PALM2AKAP2: variants seen among roughly 807,000 people sequenced by gnomAD.
PALM2AKAP2 encodes PALM2-AKAP2 fusion protein.
Under a neutral mutation model 71.5 loss-of-function variants are expected in PALM2AKAP2, and 37 were observed. The ratio of observed to expected loss-of-function variants is 0.52; its 90% CI spans 0.40 to 0.68. The LOEUF (loss-of-function observed/expected upper bound fraction) is 0.68. PALM2AKAP2 is among the 30% of genes least tolerant of loss of function. PALM2AKAP2 has a pLI of 0.00. For synonymous variants in PALM2AKAP2, 468 were observed against 478.8 expected, an observed-to-expected ratio of 0.98 and a Z score of 0.29; for missense variants, 1,224 against 1,191.8, an observed-to-expected ratio of 1.03 and a Z score of -0.40.
chr9:110,039,717 AC>A (rs1374997930), intron 7 of PALM2AKAP2, among the ~76,000 whole-genome samples: 1 of 148,428 alleles, frequency 6.7e-6, no homozygotes, highest in Non-Finnish European at 1.5e-5. Flanking sequence ...CAGCAGCAGC[AC>A]CTATCTGAAC....
intron 7 of PALM2AKAP2, among the ~76,000 whole-genome samples, chr9:110,029,433 A>T (rs1157229847): frequency 6.6e-6 from 1 of 152,210 alleles, no homozygotes; most frequent in South Asian, 2.1e-4. Context: ...AATACATGAC[A>T]TGGGCATGGA....
chr9:109,800,511 A>G (rs1044527336), intron 1 of PALM2AKAP2, among the ~76,000 whole-genome samples: 1 of 152,180 alleles, frequency 6.6e-6, no homozygotes, highest in African/African-American at 2.4e-5. Flanking sequence ...TTTGGCAATT[A>G]AACGACTCAC....
At chr9:110,048,693 C>A (rs754243360), upstream of PALM2AKAP2, 3 of 1,540,228 alleles carry the variant, frequency 1.9e-6, no homozygotes, top group East Asian at 2.5e-5. Context: ...GCTACCACTC[C>A]CTGCAGATGC....
chr9:110,116,963 A>G (rs1588118047), intron 1 of PALM2AKAP2, among the ~76,000 whole-genome samples: 1 of 152,228 alleles, frequency 6.6e-6, no homozygotes, highest in East Asian at 1.9e-4. Context: ...TAACAAGTAG[A>G]TGAGCCCTGG....
chr9:109,709,273 C>T (rs1242118627), intron 1 of PALM2AKAP2, among the ~76,000 whole-genome samples: 2 of 152,220 alleles, frequency 1.3e-5, no homozygotes, highest in African/African-American at 4.8e-5. Context: ...GTCAAATCCC[C>T]TTGTAAGGCC....
chr9:109,648,627 A>C (rs1428728126), intron 1 of PALM2AKAP2, among the ~76,000 whole-genome samples: 1 of 152,180 alleles, frequency 6.6e-6, no homozygotes, highest in Non-Finnish European at 1.5e-5. Flanking sequence ...GTTTGGATAG[A>C]GACTTGAACA....
chr9:110,050,786 C>T (rs908393461), intron 1 of PALM2AKAP2, among the ~76,000 whole-genome samples: 2 of 152,172 alleles, frequency 1.3e-5, no homozygotes, highest in African/African-American at 4.8e-5. Flanking sequence ...CACCACCACA[C>T]CCGGCTAATT....
intron 3 of PALM2AKAP2, among the ~76,000 whole-genome samples, chr9:110,159,354 G>C (rs1457328890): frequency 6.6e-6 from 1 of 152,008 alleles, no homozygotes; most frequent in Non-Finnish European, 1.5e-5. Flanking sequence ...ATCACCCCTG[G>C]CACCTCCATT....
At chr9:109,819,299 T>C (rs1213996897) in intron 1 of PALM2AKAP2, among the ~76,000 whole-genome samples, 1 of 152,226 alleles carries the variant, frequency 6.6e-6, no homozygotes, top group East Asian at 1.9e-4. Context: ...AAAGGAAATT[T>C]CACAAAGGCT....
chr9:109,722,678 G>C (rs1043281932), intron 1 of PALM2AKAP2, among the ~76,000 whole-genome samples: 2 of 152,108 alleles, frequency 1.3e-5, no homozygotes, highest in Non-Finnish European at 2.9e-5. Flanking sequence ...AGGCTGAGGT[G>C]GGGGGATCAC....
chr9:110,033,224 A>G (rs1833318870), intron 7 of PALM2AKAP2, among the ~76,000 whole-genome samples: 2 of 152,262 alleles, frequency 1.3e-5, no homozygotes, highest in Admixed American at 1.3e-4. Context: ...TGAGTGACAC[A>G]GGAAAATCCC....
At chr9:110,015,365 A>G (rs974720058) in intron 6 of PALM2AKAP2, among the ~76,000 whole-genome samples, 17 of 152,164 alleles carry the variant, frequency 1.1e-4, no homozygotes, top group African/African-American at 3.9e-4. Context: ...CTGGGAGGCC[A>G]AGGTGGGTGG....
intron 1 of PALM2AKAP2, among the ~76,000 whole-genome samples, chr9:110,070,569 G>T (rs931624261): frequency 6.6e-6 from 1 of 152,160 alleles, no homozygotes; most frequent in African/African-American, 2.4e-5. Flanking sequence ...GTATAAGTTG[G>T]TCAATTGTGA....
intron 1 of PALM2AKAP2, among the ~76,000 whole-genome samples, chr9:110,062,278 G>C (rs769252700): frequency 6.6e-6 from 1 of 151,666 alleles, no homozygotes. Context: ...AGTGTGTGTT[G>C]TTCCCTTCCC....
intron 2 of PALM2AKAP2, among the ~76,000 whole-genome samples, chr9:110,153,211 C>T (rs1035855536): frequency 6.6e-6 from 1 of 152,160 alleles, no homozygotes; most frequent in Non-Finnish European, 1.5e-5. Flanking sequence ...AATCCTTCAC[C>T]CTCTTTACAA....
chr9:109,911,696 C>T (rs1446152421), intron 3 of PALM2AKAP2, among the ~76,000 whole-genome samples: 1 of 152,196 alleles, frequency 6.6e-6, no homozygotes, highest in African/African-American at 2.4e-5. Context: ...AAGTTACATT[C>T]ACTATAGAAT....
chr9:109,859,931 C>A (rs889654874), intron 1 of PALM2AKAP2, among the ~76,000 whole-genome samples: 1 of 152,194 alleles, frequency 6.6e-6, no homozygotes, highest in Non-Finnish European at 1.5e-5. Flanking sequence ...ATCTACAAAC[C>A]CAAGTGTCTA....
At chr9:110,077,836 A>G (rs1834353769) in intron 1 of PALM2AKAP2, among the ~76,000 whole-genome samples, 1 of 152,144 alleles carries the variant, frequency 6.6e-6, no homozygotes, top group South Asian at 2.1e-4. Context: ...CAACATGGTG[A>G]AACGCTGTCT....
intron 5 of PALM2AKAP2, 98 bp from the exon 6 acceptor site, chr9:109,931,829 G>A (rs765188387): frequency 6.1e-5 from 82 of 1,348,458 alleles, no homozygotes; most frequent in Admixed American, 8.8e-5. Flanking sequence ...CCGCCTCAGC[G>A]GTCCATTATG....
Sources: gnomAD v4.1 joint callset for allele counts (sites outside exome capture counted in the v4.1 genomes callset) on GRCh38, gnomAD v4.1.1 for gene constraint, MANE v1.5 for transcripts, NCBI Gene and HGNC (gene_info 2026-07-23, HGNC 2026-07-21) for gene names.